Variants in STARD3NL observed in about 807,000 individuals in gnomAD.
STARD3NL encodes STARD3 N-terminal like, also known as STARD3 N-terminal-like protein.
STARD3NL carries 17 observed loss-of-function variants against 30.9 expected under a neutral mutation model. That is an observed-to-expected ratio of 0.55 (90% CI 0.38 to 0.82). The LOEUF is 0.82. Among genes scored for constraint, STARD3NL ranks in the 40% least tolerant of loss-of-function variants. The probability of loss-of-function intolerance (pLI) is 0.00; values close to 1 mark genes in which losing one functional copy is unlikely to be tolerated. For synonymous variants in STARD3NL, 112 were observed against 100.5 expected (o/e 1.11, Z -0.69); for missense variants, 234 against 277.6 (o/e 0.84, Z 1.12).
At chr7:38,198,494 C>G (rs903876422) in intron 1 of STARD3NL, 4 of 152,162 alleles carry the variant, frequency 2.6e-5, no homozygotes, top group East Asian at 1.9e-4. Flanking sequence ...TGTACAAGAC[C>G]AAGAAAACAT....
chr7:38,185,890 T>G (rs1488911764), intron 1 of STARD3NL, among the ~76,000 whole-genome samples: 1 of 152,178 alleles, frequency 6.6e-6, no homozygotes, highest in Non-Finnish European at 1.5e-5. Flanking sequence ...GGGAGAGCAG[T>G]GAGCTCACCA....
intron 6 of STARD3NL, 97 bp from the exon 7 acceptor site, chr7:38,219,468 C>A: frequency 1.3e-6 from 1 of 772,222 alleles, no homozygotes; most frequent in Non-Finnish European, 2.2e-6. Context: ...AAAGGTATTT[C>A]ATTGTAATAA....
chr7:38,212,629 A>G (rs920414166), intron 2 of STARD3NL, among the ~76,000 whole-genome samples: 4 of 152,196 alleles, frequency 2.6e-5, no homozygotes, highest in African/African-American at 9.7e-5. Flanking sequence ...TCATTGTGGC[A>G]GTGGTGAGCA....
Position 38,178,319 on chromosome 7 carries a change from C to G in STARD3NL, c.-160C>G, listed in dbSNP as rs973727174. On this transcript the variant is annotated 5_prime_UTR_variant, in exon 1 of 9. Transcript: ENST00000009041. Reference sequence around the variant, plus strand: ...GCGCGTTGTCCGCTGGACTGGGTCCCGGTCACGCCCCGCCAAGCCCCGCCC... The same window carrying G: ...GCGCGTTGTCCGCTGGACTGGGTCCGGGTCACGCCCCGCCAAGCCCCGCCC... 8.3e-4 allele frequency: 127 copies of G among 152,230 alleles called. No homozygotes were observed. Among genetic ancestry groups the G allele is most frequent in the Admixed American group, 2.4e-3 (37 of 15,308 alleles). The allele number at this position is 152,230 out of a possible 1,614,324, so 9.4% of individuals were successfully genotyped here.
At chr7:38,197,731 G>T (rs867955091) in intron 1 of STARD3NL, among the ~76,000 whole-genome samples, 7 of 152,258 alleles carry the variant, frequency 4.6e-5, no homozygotes, top group South Asian at 4.1e-4. Flanking sequence ...GTCTTGCTGT[G>T]TTTTAGTACT....
At chr7:38,216,817 T>G in intron 4 of STARD3NL, 2 of 575,172 alleles carry the variant, frequency 3.5e-6, no homozygotes, top group South Asian at 2.3e-5. Flanking sequence ...CACACAGTCA[T>G]TTAGGGATTG....
At chr7:38,229,571 GCC>G (rs2116473385) in intron 8 of STARD3NL, among the ~76,000 whole-genome samples, 1 of 152,346 alleles carries the variant, frequency 6.6e-6, no homozygotes, top group Admixed American at 6.5e-5. Context: ...GGAAAAAGCT[GCC>G]AGATTGTGAG....
Position 38,218,594 on chromosome 7 carries a change from AAC to A in STARD3NL, c.554-965_554-964del. Among the ~76,000 whole-genome samples the A allele has an allele frequency of 2.0e-5, 3 of 152,364 alleles. No individual in the cohort carries two copies. In the South Asian group the frequency reaches 6.2e-4, roughly 32 times the overall value. Reference sequence around the variant, plus strand: ...ACATTCAAAGTGACTAATAAAGCAGAACACACAATTAATGAAAATTTTAAATT... The same window carrying A: ...ACATTCAAAGTGACTAATAAAGCAGAACACAATTAATGAAAATTTTAAATT... On this transcript the variant is annotated intron_variant, in intron 6 of 8. Coordinates refer to ENST00000009041, the MANE Select transcript of STARD3NL (RefSeq NM_032016.4).
intron 1 of STARD3NL, among the ~76,000 whole-genome samples, chr7:38,184,805 T>C (rs560252114): frequency 4.8e-5 from 7 of 146,020 alleles, no homozygotes; most frequent in African/African-American, 7.5e-5. Flanking sequence ...AAGAAAATTA[T>C]GACTATGGAA....
At chr7:38,228,097 G>T (rs1308797828) in intron 7 of STARD3NL, among the ~76,000 whole-genome samples, 1 of 152,070 alleles carries the variant, frequency 6.6e-6, no homozygotes, top group Non-Finnish European at 1.5e-5. Context: ...TACAGCGCAT[G>T]CATTTTTCAT....
intron 1 of STARD3NL, among the ~76,000 whole-genome samples, chr7:38,181,125 TTCTGGATGAA>T (rs1321503565): frequency 2.6e-5 from 4 of 152,238 alleles, no homozygotes; most frequent in Non-Finnish European, 5.9e-5. Context: ...GGTATAAACT[TTCTGGATGAA>T]TCTAGTCTCT....
chr7:38,209,388 A>G (rs976890862), intron 2 of STARD3NL, among the ~76,000 whole-genome samples: 30 of 151,838 alleles, frequency 2.0e-4, no homozygotes, highest in African/African-American at 7.0e-4. Flanking sequence ...GTTCAAGCAA[A>G]TCTCTTGCCT....
At chr7:38,181,703 A>G (rs147551976) in intron 1 of STARD3NL, among the ~76,000 whole-genome samples, 141 of 152,324 alleles carry the variant, frequency 9.3e-4, no homozygotes, top group African/African-American at 3.2e-3. Flanking sequence ...TCTTTAGGCC[A>G]AAATACCAAA....
At chr7:38,209,999 G>A (rs1400109392) in intron 2 of STARD3NL, among the ~76,000 whole-genome samples, 3 of 152,170 alleles carry the variant, frequency 2.0e-5, no homozygotes, top group African/African-American at 7.2e-5. Flanking sequence ...AAGAACATCA[G>A]GACTTTTTTT....
chr7:38,218,220 A>G (rs751493408), intron 6 of STARD3NL, among the ~76,000 whole-genome samples: 61 of 152,254 alleles, frequency 4.0e-4, no homozygotes, highest in South Asian at 6.2e-4. Context: ...GCCCTGCCTC[A>G]TAGGAAAAAA....
intron 5 of STARD3NL, 35 bp downstream of exon 5, chr7:38,217,113 C>A: frequency 1.2e-6 from 2 of 1,613,852 alleles, no homozygotes; most frequent in South Asian, 2.2e-5. Context: ...CAGTTACCAT[C>A]TTCAGTGATG....
intron 1 of STARD3NL, among the ~76,000 whole-genome samples, chr7:38,204,863 C>T (rs373485383): frequency 0.074 from 11,293 of 151,886 alleles, 554 homozygotes; most frequent in Non-Finnish European, 0.11. Flanking sequence ...AACACCTCTA[C>T]GCAAATAAAC....
chr7:38,220,154 A>C (rs1455080074), intron 7 of STARD3NL, among the ~76,000 whole-genome samples: 2 of 152,136 alleles, frequency 1.3e-5, no homozygotes, highest in African/African-American at 4.8e-5. Flanking sequence ...ACTTCTTATC[A>C]GCTCCAACCT....
At chr7:38,216,232 GA>G (rs1786103583) in intron 4 of STARD3NL, 1 of 152,232 alleles carries the variant, frequency 6.6e-6, no homozygotes, top group South Asian at 2.1e-4. Flanking sequence ...AGAGCTGTAA[GA>G]CAGTATCTTC....
Sources: gnomAD v4.1 joint callset for allele counts (sites outside exome capture counted in the v4.1 genomes callset) on GRCh38, gnomAD v4.1.1 for gene constraint, MANE v1.5 for transcripts, NCBI Gene and HGNC (gene_info 2026-07-23, HGNC 2026-07-21) for gene names.